The following RORA variants were observed in gnomAD, a reference collection of about 807,000 sequenced individuals.
RORA encodes RAR related orphan receptor A, also known as nuclear receptor ROR-alpha.
RORA carries 7 observed loss-of-function variants against 69.5 expected under a neutral mutation model. That is an observed-to-expected ratio of 0.10 (90% CI 0.06 to 0.19). RORA has a LOEUF of 0.19. RORA is among the 10% of genes least tolerant of loss of function. The probability of loss-of-function intolerance (pLI) is 1.00; values close to 1 mark genes in which losing one functional copy is unlikely to be tolerated. For missense variants in RORA, 457 were observed against 663.0 expected (o/e 0.69, Z 3.41); for synonymous variants, 261 against 240.8 (o/e 1.08, Z -0.78).
chr15:61,217,205 G>A (rs2080048106), intron 1 of RORA, among the ~76,000 whole-genome samples: 1 of 152,142 alleles, frequency 6.6e-6, no homozygotes, highest in Admixed American at 6.5e-5. Flanking sequence ...AAGGTATCGT[G>A]CATGGAGTAA....
chr15:60,874,174 T>C (rs1366040717), intron 1 of RORA, among the ~76,000 whole-genome samples: 1 of 152,218 alleles, frequency 6.6e-6, no homozygotes. Context: ...ATTTGAACAT[T>C]AAATTTTATG....
intron 1 of RORA, among the ~76,000 whole-genome samples, chr15:60,955,521 A>G (rs545593445): frequency 1.2e-4 from 19 of 152,332 alleles, no homozygotes; most frequent in African/African-American, 4.6e-4. Flanking sequence ...CATTGACTTC[A>G]TGTCTTTAAA....
At chr15:60,674,461 T>C (rs565110865) in intron 2 of RORA, among the ~76,000 whole-genome samples, 2 of 152,278 alleles carry the variant, frequency 1.3e-5, no homozygotes, top group East Asian at 3.9e-4. Flanking sequence ...CAAAGCCAAG[T>C]CTCTGGGGTG....
At chr15:60,913,339 C>G (rs1055707955) in intron 1 of RORA, among the ~76,000 whole-genome samples, 2 of 152,212 alleles carry the variant, frequency 1.3e-5, no homozygotes, top group African/African-American at 4.8e-5. Flanking sequence ...GTTTCTAGAG[C>G]CAGTAGAGCA....
intron 1 of RORA, among the ~76,000 whole-genome samples, chr15:60,787,822 T>C (rs532339072): frequency 9.2e-5 from 14 of 152,276 alleles, no homozygotes; most frequent in African/African-American, 3.4e-4. Context: ...AAACAAGGCA[T>C]TGAGGAAAGA....
chr15:60,665,611 CT>C (rs1243689526), intron 2 of RORA, among the ~76,000 whole-genome samples: 1 of 152,192 alleles, frequency 6.6e-6, no homozygotes, highest in Non-Finnish European at 1.5e-5. Flanking sequence ...TCAAGCAGCC[CT>C]TTGAATTATA....
chr15:61,094,652 A>G (rs117494118), intron 1 of RORA, among the ~76,000 whole-genome samples: 2 of 152,364 alleles, frequency 1.3e-5, no homozygotes, highest in East Asian at 1.9e-4. Flanking sequence ...AGTTATTTCC[A>G]GCACAGATAG....
intron 1 of RORA, among the ~76,000 whole-genome samples, chr15:60,961,080 G>A (rs1319558237): frequency 6.6e-6 from 1 of 152,092 alleles, no homozygotes. Context: ...CTCCATCAAG[G>A]TCAAGGGCAA....
chr15:60,637,072 T>A (rs2069854242), intron 2 of RORA, among the ~76,000 whole-genome samples: 1 of 150,674 alleles, frequency 6.6e-6, no homozygotes, highest in Non-Finnish European at 1.5e-5. Context: ...ACTTTTTAAA[T>A]TATTTCCTTA....
rs2080012869 is a variant in RORA, at chr15:61,213,656, T to A, written c.166+15397A>T. On this transcript the variant is annotated intron_variant, in intron 1 of 10. Coordinates refer to ENST00000335670, the MANE Select transcript of RORA (RefSeq NM_134261.3). The surrounding 1 kb of genome is among the most constrained non-coding windows in gnomAD (Gnocchi z 4.1). Reference sequence around the variant, plus strand: ...GCAGGCATAACCACCTCAGTGAGCTTTCCCTAACTCCTCTCGGGGCATTTT... The same window carrying A: ...GCAGGCATAACCACCTCAGTGAGCTATCCCTAACTCCTCTCGGGGCATTTT... The A allele has an allele frequency of 6.6e-6, 1 of 152,216 alleles. No individual in the cohort carries two copies. The highest frequency in any genetic ancestry group is 2.4e-5 in the African/African-American group (1 of 41,450). The allele number at this position is 152,216 out of a possible 1,614,324, so 9.4% of individuals were successfully genotyped here. A position where few individuals can be genotyped will look rare whatever the true frequency, so the allele number is the denominator to read the frequency against.
chr15:60,745,780 C>G (rs2140854749), intron 1 of RORA, among the ~76,000 whole-genome samples: 1 of 152,282 alleles, frequency 6.6e-6, no homozygotes, highest in Non-Finnish European at 1.5e-5. Context: ...TTTTTTCCCT[C>G]CTGCACAAGG....
Position 60,883,146 on chromosome 15 carries a change from AAAAAAG to A in RORA, c.167-204466_167-204461del, listed in dbSNP as rs1297440536. ...ACATCGTCTCAAAAAAAAAAAAAAAAAAAAAGAAAGAGAGAGAGAGAGAGAGAGAGA... is the reference window on the plus strand; with the variant it reads ...ACATCGTCTCAAAAAAAAAAAAAAAAAAAGAGAGAGAGAGAGAGAGAGAGA... On this transcript the variant is annotated intron_variant, in intron 1 of 10. Coordinates refer to ENST00000335670, the MANE Select transcript of RORA (RefSeq NM_134261.3). 4.8e-3 allele frequency among the ~76,000 whole-genome samples: 402 copies of A among 84,126 alleles called. 12 individuals carry two copies. The highest frequency in any genetic ancestry group is 0.012 in the East Asian group (44 of 3,714). The allele number at this position is 84,126 out of a possible 152,430, so 55.2% of individuals were successfully genotyped here. A position where few individuals can be genotyped will look rare whatever the true frequency, so the allele number is the denominator to read the frequency against.
intron 1 of RORA, among the ~76,000 whole-genome samples, chr15:61,099,325 G>A (rs2078843998): frequency 6.6e-6 from 1 of 152,138 alleles, no homozygotes; most frequent in South Asian, 2.1e-4. Flanking sequence ...GCAAAGTTTG[G>A]GCAAGGTTTA....
chr15:61,091,357 G>A (rs1246313320), intron 1 of RORA, among the ~76,000 whole-genome samples: 1 of 152,116 alleles, frequency 6.6e-6, no homozygotes, highest in Non-Finnish European at 1.5e-5. Flanking sequence ...CTCTGCTTTA[G>A]GGCCAAAGTT....
intron 1 of RORA, among the ~76,000 whole-genome samples, chr15:60,704,323 G>C (rs1241065979): frequency 6.6e-6 from 1 of 152,258 alleles, no homozygotes; most frequent in South Asian, 2.1e-4. Flanking sequence ...GAAGGGTGTT[G>C]CTGCCCTCCC....
chr15:60,519,188 C>CAT (rs1481874731), intron 3 of RORA, among the ~76,000 whole-genome samples: 1 of 152,176 alleles, frequency 6.6e-6, no homozygotes, highest in Non-Finnish European at 1.5e-5. Flanking sequence ...CTTCTTCCTT[C>CAT]ATGACAGTCA....
intron 1 of RORA, among the ~76,000 whole-genome samples, chr15:60,950,147 GA>G (rs1280521750): frequency 6.6e-6 from 1 of 151,738 alleles, no homozygotes; most frequent in Non-Finnish European, 1.5e-5. Context: ...CATTCTTAAA[GA>G]CAAGAATTTA....
intron 1 of RORA, among the ~76,000 whole-genome samples, chr15:60,881,067 T>C (rs2073674324): frequency 6.6e-6 from 1 of 152,360 alleles, no homozygotes; most frequent in East Asian, 1.9e-4. Flanking sequence ...AGAAGTGAGA[T>C]GAAAACAATG....
At chr15:61,064,065 C>G (rs553103916) in intron 1 of RORA, among the ~76,000 whole-genome samples, 1 of 152,338 alleles carries the variant, frequency 6.6e-6, no homozygotes, top group South Asian at 2.1e-4. Context: ...CAGAGTCAAC[C>G]TCGAGGGCAG....
Sources: gnomAD v4.1 joint callset for allele counts (sites outside exome capture counted in the v4.1 genomes callset) on GRCh38, gnomAD v4.1.1 for gene constraint, Gnocchi (gnomAD v3.1) non-coding constraint, MANE v1.5 for transcripts, NCBI Gene and HGNC (gene_info 2026-07-23, HGNC 2026-07-21) for gene names.